FRMPD4: variants seen among roughly 807,000 people sequenced by gnomAD.
FRMPD4 encodes the protein FERM and PDZ domain containing 4, also known as FERM and PDZ domain-containing protein 4.
In FRMPD4, 22 loss-of-function variants were observed where a neutral mutation model predicts 94.1. The observed-to-expected ratio is 0.23, with a 90% CI of 0.17 to 0.33. The LOEUF (loss-of-function observed/expected upper bound fraction) is 0.33, where lower values mean the gene tolerates loss of function less well. FRMPD4 is among the 10% of genes least tolerant of loss of function. FRMPD4 has a pLI of 1.00. For missense variants in FRMPD4, 1,111 were observed against 1,339.9 expected (o/e 0.83, Z 2.67); for synonymous variants, 631 against 548.6 (o/e 1.15, Z -2.10).
intron 9 of FRMPD4, among the ~76,000 whole-genome samples, chrX:12,700,471 T>C (rs777718089): frequency 1.2e-4 from 14 of 112,247 alleles, no homozygotes; most frequent in African/African-American, 3.6e-4. Flanking sequence ...TAAGTGAGGA[T>C]ACTACTCCAA....
intron 2 of FRMPD4, among the ~76,000 whole-genome samples, chrX:12,577,553 G>C (rs1380431793): frequency 9.0e-6 from 1 of 110,919 alleles, no homozygotes; most frequent in Non-Finnish European, 1.9e-5. Context: ...GTGATAGGAA[G>C]GGTGAGGAAG....
intron 1 of FRMPD4, among the ~76,000 whole-genome samples, chrX:12,397,042 G>C (rs777953065): frequency 4.5e-5 from 5 of 111,028 alleles, no homozygotes; most frequent in African/African-American, 1.3e-4. Flanking sequence ...ATGCATCAAA[G>C]AGCTCAAGTG....
chrX:12,264,253 G>A (rs988196311), intron 1 of FRMPD4, among the ~76,000 whole-genome samples: 3 of 111,885 alleles, frequency 2.7e-5, no homozygotes, highest in African/African-American at 9.8e-5. Context: ...TGCTAATGTA[G>A]AATAGTAGAA....
intron 3 of FRMPD4, among the ~76,000 whole-genome samples, chrX:12,035,792 AATC>A (rs1490279692): frequency 1.8e-5 from 2 of 111,648 alleles, no homozygotes; most frequent in Non-Finnish European, 3.8e-5. Context: ...ACAGGAAAAA[AATC>A]ATAGGTAATT....
intron 3 of FRMPD4, among the ~76,000 whole-genome samples, chrX:12,106,168 T>C (rs1339362644): frequency 8.9e-6 from 1 of 112,175 alleles, no homozygotes; most frequent in Non-Finnish European, 1.9e-5. Context: ...CATTATATTC[T>C]ACCAATATCA....
At chrX:12,105,563 A>C (rs971690081) in intron 3 of FRMPD4, among the ~76,000 whole-genome samples, 1 of 112,400 alleles carries the variant, frequency 8.9e-6, no homozygotes, top group African/African-American at 3.2e-5. Context: ...CCTCATTTCA[A>C]ACCCTTAACG....
intron 1 of FRMPD4, among the ~76,000 whole-genome samples, chrX:12,428,699 A>C (rs2407844): frequency 9.1e-6 from 1 of 110,263 alleles, no homozygotes; most frequent in Admixed American, 9.7e-5. Flanking sequence ...CTTCTTTCTC[A>C]GCAGATTTAA....
intron 4 of FRMPD4, among the ~76,000 whole-genome samples, chrX:12,616,594 C>T (rs761451254): frequency 2.7e-5 from 3 of 112,011 alleles, no homozygotes; most frequent in East Asian, 2.8e-4. Context: ...CACTATGCAT[C>T]GGGAACAAGA....
intron 1 of FRMPD4, among the ~76,000 whole-genome samples, chrX:12,374,371 A>G (rs1378434230): frequency 9.0e-6 from 1 of 111,637 alleles, no homozygotes; most frequent in East Asian, 2.8e-4. Context: ...CATTTCCCCA[A>G]AGCCTATATG....
intron 3 of FRMPD4, among the ~76,000 whole-genome samples, chrX:11,957,380 G>A (rs763949771): frequency 1.2e-3 from 128 of 110,614 alleles, no homozygotes; most frequent in Non-Finnish European, 2.0e-3. Flanking sequence ...AACATAGCCA[G>A]ATCCTGTCTC....
At chrX:12,644,749 G>C (rs2059532383) in intron 4 of FRMPD4, among the ~76,000 whole-genome samples, 1 of 112,044 alleles carries the variant, frequency 8.9e-6, no homozygotes, top group Non-Finnish European at 1.9e-5. Context: ...GAAGCTGAAA[G>C]ATGACCTAAC....
In FRMPD4 at chrX:12,614,820, G is replaced by T; in HGVS notation, c.361G>T (p.Val121Leu). 1 of 1,195,368 alleles carries T rather than the reference G, an allele frequency of 8.4e-7. No individual in the cohort carries two copies. Among genetic ancestry groups the T allele is most frequent in the African/African-American group, 1.7e-5 (1 of 57,387 alleles). Residue 121 changes from valine to leucine, a missense_variant, in exon 4 of 17, where the codon GTA becomes TTA. Transcript: ENST00000675598. ...EGKLIPGDQI[V>L]MINDEPVSAA... Reference sequence around the variant, plus strand: ...CAAGCTGATCCCGGGAGATCAGATTGTAATGATTAATGATGAACCGGTCAG... The same window carrying T: ...CAAGCTGATCCCGGGAGATCAGATTTTAATGATTAATGATGAACCGGTCAG...
At chrX:12,298,437 T>C (rs1224397996) in intron 1 of FRMPD4, among the ~76,000 whole-genome samples, 1 of 112,615 alleles carries the variant, frequency 8.9e-6, no homozygotes, top group East Asian at 2.8e-4. Flanking sequence ...TCAACTGGCA[T>C]ATCAGCTCTG....
At chrX:12,638,518 G>A (rs2059463443) in intron 4 of FRMPD4, among the ~76,000 whole-genome samples, 1 of 111,534 alleles carries the variant, frequency 9.0e-6, no homozygotes, top group Non-Finnish European at 1.9e-5. Context: ...TTATAGACAT[G>A]AGCCACTGCA....
chrX:12,383,463 C>T (rs935391518), intron 1 of FRMPD4, among the ~76,000 whole-genome samples: 23 of 111,276 alleles, frequency 2.1e-4, no homozygotes, highest in African/African-American at 7.2e-4. Context: ...AAACATCTGG[C>T]TCCAAATCTC....
intron 3 of FRMPD4, among the ~76,000 whole-genome samples, chrX:11,993,680 G>A (rs1226394465): frequency 4.4e-5 from 5 of 112,494 alleles, no homozygotes; most frequent in Non-Finnish European, 5.6e-5. Context: ...TCTGACACTA[G>A]CATTTTTGTG....
chrX:11,893,229 C>A (rs1242082143), intron 3 of FRMPD4, among the ~76,000 whole-genome samples: 2 of 111,815 alleles, frequency 1.8e-5, no homozygotes, highest in African/African-American at 6.5e-5. Context: ...CTCAGTCTTC[C>A]CTGGTCTGTC....
chrX:12,585,941 AATAAT>A (rs1171041137), intron 2 of FRMPD4, among the ~76,000 whole-genome samples: 1 of 112,897 alleles, frequency 8.9e-6, no homozygotes, highest in Non-Finnish European at 1.9e-5. Context: ...TGAAATCAGG[AATAAT>A]ATATGTATAG....
chrX:12,553,131 G>T (rs775220477), intron 2 of FRMPD4, among the ~76,000 whole-genome samples: 1 of 109,947 alleles, frequency 9.1e-6, no homozygotes. Context: ...TGCACTCCAG[G>T]CTGGGCAACA....
Sources: gnomAD v4.1 joint callset for allele counts (sites outside exome capture counted in the v4.1 genomes callset) on GRCh38, gnomAD v4.1.1 for gene constraint, MANE v1.5 for transcripts, NCBI Gene and HGNC (gene_info 2026-07-23, HGNC 2026-07-21) for gene names.